PTCHD4: variants seen among roughly 807,000 people sequenced by gnomAD.
PTCHD4 encodes patched domain-containing protein 4.
A neutral mutation model predicts 58.1 loss-of-function variants in PTCHD4; 33 were observed. The ratio of observed to expected loss-of-function variants is 0.57; its 90% CI spans 0.43 to 0.76. The LOEUF is 0.76. Among genes scored for constraint, PTCHD4 ranks in the 30% least tolerant of loss-of-function variants. The pLI is 0.00. For missense variants in PTCHD4, 1,058 were observed against 1,027.1 expected, an observed-to-expected ratio of 1.03 and a Z score of -0.41; for synonymous variants, 478 against 409.6, an observed-to-expected ratio of 1.17 and a Z score of -2.02.
intron 4 of PTCHD4, among the ~76,000 whole-genome samples, chr6:47,975,875 C>T (rs558430208): frequency 1.3e-5 from 2 of 152,238 alleles, no homozygotes; most frequent in Middle Eastern, 3.4e-3. Context: ...AGAGATGGGT[C>T]ATATTTTTGA....
rs185997921 is a variant in PTCHD4 at position 47,869,680 on chromosome 6, C to A, written c.*8623G>T. Among the ~76,000 whole-genome samples, 260 of 151,562 alleles carry A rather than the reference C, an allele frequency of 1.7e-3. 2 individuals carry two copies. Among genetic ancestry groups the A allele is most frequent in the African/African-American group, 5.8e-3 (242 of 41,424 alleles). ...CCACGGAGAGATAATTGATATATATCATCACAGTATTATTTTAATGTATGT... is the reference window on the plus strand; with the variant it reads ...CCACGGAGAGATAATTGATATATATAATCACAGTATTATTTTAATGTATGT... On this transcript the variant is annotated 3_prime_UTR_variant, in exon 5 of 5. Transcript: ENST00000339488.
chr6:48,082,798 C>T (rs1480422563), intron 1 of PTCHD4, among the ~76,000 whole-genome samples: 1 of 151,846 alleles, frequency 6.6e-6, no homozygotes, highest in Non-Finnish European at 1.5e-5. Flanking sequence ...AAGAAATTGA[C>T]ATTATTAAAA....
At chr6:48,052,527 C>G (rs1432429010) in intron 3 of PTCHD4, among the ~76,000 whole-genome samples, 2 of 151,872 alleles carry the variant, frequency 1.3e-5, no homozygotes, top group Non-Finnish European at 2.9e-5. Flanking sequence ...ATGAGACAAC[C>G]CTCCACAATT....
intron 1 of PTCHD4, among the ~76,000 whole-genome samples, chr6:48,088,597 C>G (rs1345991858): frequency 1.3e-5 from 2 of 152,142 alleles, no homozygotes; most frequent in Non-Finnish European, 2.9e-5. Flanking sequence ...AAAAATCCAG[C>G]TAAGTCTGAC....
intron 4 of PTCHD4, among the ~76,000 whole-genome samples, chr6:47,962,978 G>A (rs1007754742): frequency 1.3e-5 from 2 of 151,676 alleles, no homozygotes; most frequent in Admixed American, 6.6e-5. Flanking sequence ...TGGGTAACAC[G>A]GTGAAACTGC....
chr6:47,976,909 G>T (rs1767713589), intron 4 of PTCHD4, among the ~76,000 whole-genome samples: 1 of 152,030 alleles, frequency 6.6e-6, no homozygotes, highest in Non-Finnish European at 1.5e-5. Flanking sequence ...AATTTTTAAG[G>T]ATTGGTGAGG....
intron 4 of PTCHD4, among the ~76,000 whole-genome samples, chr6:47,884,834 G>T (rs1459846114): frequency 2.0e-5 from 3 of 152,210 alleles, no homozygotes; most frequent in Non-Finnish European, 2.9e-5. Flanking sequence ...AGCTTCAAAA[G>T]GTTTAGGCAG....
chr6:48,021,079 G>A (rs774557519), intron 3 of PTCHD4, among the ~76,000 whole-genome samples: 6 of 151,778 alleles, frequency 4.0e-5, no homozygotes, highest in Non-Finnish European at 7.4e-5. Context: ...GGTCATTTCC[G>A]ATTTCTTGGT....
chr6:47,958,740 A>T (rs1339442553), intron 4 of PTCHD4, among the ~76,000 whole-genome samples: 1 of 152,174 alleles, frequency 6.6e-6, no homozygotes, highest in Admixed American at 6.5e-5. Flanking sequence ...ATTACAGGGG[A>T]AGAAAAACAA....
chr6:48,024,769 T>C (rs758963360), intron 3 of PTCHD4, among the ~76,000 whole-genome samples: 4 of 152,004 alleles, frequency 2.6e-5, no homozygotes, highest in Non-Finnish European at 5.9e-5. Context: ...GATTGCAAGA[T>C]GGAAGTAAGA....
intron 4 of PTCHD4, among the ~76,000 whole-genome samples, chr6:48,005,287 TA>T (rs1221281070): frequency 6.6e-6 from 1 of 152,196 alleles, no homozygotes; most frequent in Non-Finnish European, 1.5e-5. Context: ...TCAGGGATGA[TA>T]CTGATAAGCA....
intron 4 of PTCHD4, among the ~76,000 whole-genome samples, chr6:47,985,669 A>ATTGCCATGCCCTAT (rs1768039949): frequency 6.6e-6 from 1 of 151,962 alleles, no homozygotes; most frequent in African/African-American, 2.4e-5. Context: ...ATAATTTTTT[A>ATTGCCATGCCCTAT]TTGCCATGCC....
chr6:48,104,452 C>G (rs1422572230), intron 1 of PTCHD4, among the ~76,000 whole-genome samples: 2 of 152,102 alleles, frequency 1.3e-5, no homozygotes, highest in Non-Finnish European at 2.9e-5. Flanking sequence ...CTGAAGGAAG[C>G]ACTAAACATG....
At position 47,863,122 on chromosome 6, in the gene PTCHD4, A is replaced by G. The variant is rs372834405; in HGVS notation, c.*15181T>C. Reference sequence around the variant, plus strand: ...TTTACTTAAGAGTTGGTATTTATCAATATGATTTTTGTGTTGTATCTGAGA... The same window carrying G: ...TTTACTTAAGAGTTGGTATTTATCAGTATGATTTTTGTGTTGTATCTGAGA... On this transcript the variant is annotated 3_prime_UTR_variant, in exon 5 of 5. Transcript: ENST00000339488. Among the ~76,000 whole-genome samples the G allele has an allele frequency of 1.1e-4, 16 of 152,038 alleles. No individual in the cohort carries two copies. Among genetic ancestry groups the G allele is most frequent in the African/African-American group, 3.1e-4 (13 of 41,546 alleles).
At chr6:48,053,212 T>G (rs1263770034) in intron 3 of PTCHD4, among the ~76,000 whole-genome samples, 3 of 152,096 alleles carry the variant, frequency 2.0e-5, no homozygotes, top group South Asian at 4.1e-4. Flanking sequence ...ACAGAAAACA[T>G]GCAATTTGGC....
At chr6:47,898,507 G>A (rs747989726) in intron 4 of PTCHD4, among the ~76,000 whole-genome samples, 10 of 152,064 alleles carry the variant, frequency 6.6e-5, no homozygotes, top group Admixed American at 1.3e-4. Flanking sequence ...TGAAAGCATG[G>A]GGCCAGCAAA....
chr6:48,044,395 G>T (rs146475763), intron 3 of PTCHD4, among the ~76,000 whole-genome samples: 9 of 151,792 alleles, frequency 5.9e-5, no homozygotes, highest in Admixed American at 5.9e-4. Context: ...TCTTCCAGTC[G>T]AAGTGCAGTT....
intron 1 of PTCHD4, among the ~76,000 whole-genome samples, chr6:48,089,073 TG>T (rs899212611): frequency 5.3e-5 from 8 of 151,908 alleles, no homozygotes; most frequent in Admixed American, 2.0e-4. Context: ...TAAATAGGAA[TG>T]GGGGTAATCA....
intron 4 of PTCHD4, among the ~76,000 whole-genome samples, chr6:47,974,944 A>G (rs978995308): frequency 6.6e-6 from 1 of 152,190 alleles, no homozygotes; most frequent in African/African-American, 2.4e-5. Flanking sequence ...ATTTTCATTC[A>G]ATGACTGTTT....
Sources: gnomAD v4.1 joint callset for allele counts (sites outside exome capture counted in the v4.1 genomes callset) on GRCh38, gnomAD v4.1.1 for gene constraint, MANE v1.5 for transcripts, NCBI Gene and HGNC (gene_info 2026-07-23, HGNC 2026-07-21) for gene names.